HPS3: variants seen among roughly 807,000 people sequenced by gnomAD.
HPS3 encodes BLOC-2 complex member HPS3.
A neutral mutation model predicts 110.9 loss-of-function variants in HPS3; 79 were observed. The observed-to-expected ratio is 0.71, with a 90% confidence interval of 0.59 to 0.86. The LOEUF is 0.86. Ranked by LOEUF, HPS3 falls within the 40% of genes least tolerant of loss-of-function variation. The pLI is 0.00. For missense variants in HPS3, 1,197 were observed against 1,206.2 expected (o/e 0.99, Z 0.11); for synonymous variants, 428 against 451.0 (o/e 0.95, Z 0.65).
rs1559920852 is a variant in HPS3, at chr3:149,160,239, A to G, written c.2066A>G (p.Asp689Gly). The G allele has an allele frequency of 6.2e-7, 1 of 1,613,734 alleles. No homozygotes were observed. The highest frequency in any genetic ancestry group is 1.7e-5 in the Admixed American group (1 of 59,940). ...TKAAVALKMG[D>G]LDMHRNEMKS... ...GCAGCAGTGGCTCTGAAAATGGGAG[A>G]TCTTGACATGCACAGAAATGAAATG... is the stretch of plus-strand genomic sequence containing the variant. Residue 689 changes from aspartate to glycine, a missense_variant, in exon 11 of 17, where the codon GAT becomes GGT. Coordinates refer to ENST00000296051, the MANE Select transcript of HPS3 (RefSeq NM_032383.5).
intron 1 of HPS3, 113 bp downstream of exon 1, chr3:149,130,053 G>A: frequency 9.8e-7 from 1 of 1,023,948 alleles, no homozygotes; most frequent in Non-Finnish European, 1.4e-6. Context: ...CTTGCTTCCC[G>A]GAATTTGCCG....
At chr3:149,158,965 T>C in intron 10 of HPS3, 119 bp downstream of exon 10, 2 of 703,216 alleles carry the variant, frequency 2.8e-6, no homozygotes, top group Non-Finnish European at 4.7e-6. Context: ...ATACTCTTTT[T>C]CTAAAAAAGT....
At chr3:149,170,083 A>G (rs763676094) in intron 16 of HPS3, among the ~76,000 whole-genome samples, 3 of 152,218 alleles carry the variant, frequency 2.0e-5, no homozygotes, top group Non-Finnish European at 2.9e-5. Context: ...GGCTTGGATT[A>G]AATAAATAAA....
chr3:149,158,563 T>A, intron 9 of HPS3, 103 bp from the exon 10 acceptor site: 1 of 1,090,966 alleles, frequency 9.2e-7, no homozygotes, highest in Non-Finnish European at 1.4e-6. Flanking sequence ...TGAGGTAGGA[T>A]AATCACTTGA....
Position 149,160,253 on chromosome 3 carries a change from A to AGAAATGAAAT in HPS3, c.2085_2094dup (p.Ser699Ter). ...GAAAATGGGAGATCTTGACATGCAC[A>AGAAATGAAAT]GAAATGAAATGAAAAGCCATTCAGA... On this transcript the variant is annotated frameshift_variant, in exon 11 of 17. Coordinates refer to ENST00000296051, the MANE Select transcript of HPS3 (RefSeq NM_032383.5). LOFTEE classifies it high-confidence loss of function. 1 of 1,613,518 alleles carries AGAAATGAAAT rather than the reference A, an allele frequency of 6.2e-7. No individual in the cohort carries two copies. Among genetic ancestry groups the AGAAATGAAAT allele is most frequent in the Non-Finnish European group, 8.5e-7 (1 of 1,179,534 alleles).
At chr3:149,149,273 C>T (rs997200218) in intron 5 of HPS3, among the ~76,000 whole-genome samples, 2 of 151,976 alleles carry the variant, frequency 1.3e-5, no homozygotes, top group African/African-American at 4.8e-5. Context: ...GAAACCCTGC[C>T]TTTTTATCTC....
At chr3:149,158,601 A>G in intron 9 of HPS3, 65 bp from the exon 10 acceptor site, 2 of 1,431,494 alleles carry the variant, frequency 1.4e-6, no homozygotes, top group Middle Eastern at 3.5e-4. Flanking sequence ...CAGTCTGGGC[A>G]ACATAGTGAG....
rs913384287 is a variant in HPS3, at chr3:149,162,253, C to T, written c.2212C>T (p.Pro738Ser). Residue 738 changes from proline (P) to serine (S), a missense_variant, in exon 12 of 17, where the codon CCT becomes TCT. Transcript: ENST00000296051. ...ELALHLKETQ[P>S]GLLVASVLGL... is the part of the protein sequence containing the mutation. ...TGCACTTCACTTGAAGGAAACTCAG[C>T]CTGGATTGCTTGTGGCTTCAGTTCT... The T allele has an allele frequency of 6.2e-7, 1 of 1,613,978 alleles. No homozygotes were observed. The highest frequency in any genetic ancestry group is 1.7e-4 in the Middle Eastern group (1 of 6,058).
At chr3:149,136,544 G>A (rs1722108317) in intron 1 of HPS3, among the ~76,000 whole-genome samples, 1 of 152,156 alleles carries the variant, frequency 6.6e-6, no homozygotes, top group Non-Finnish European at 1.5e-5. Context: ...ATCTAGGTTT[G>A]AGTCCCAGTT....
intron 1 of HPS3, among the ~76,000 whole-genome samples, chr3:149,131,756 G>A (rs1345661370): frequency 6.6e-6 from 1 of 152,210 alleles, no homozygotes; most frequent in Non-Finnish European, 1.5e-5. Flanking sequence ...GAGGAAGGCA[G>A]GCGTGTCAGA....
chr3:149,173,468 G>C lies in HPS3; in HGVS notation c.*1246G>C. On this transcript the variant is annotated 3_prime_UTR_variant, in exon 17 of 17. Coordinates refer to ENST00000296051, the MANE Select transcript of HPS3 (RefSeq NM_032383.5). ...AACCCTAACAGCGGTGATATCATTA[G>C]ACTGTATGAATCAGTTTTATTACCT... 1 of 340,338 alleles carries C rather than the reference G, an allele frequency of 2.9e-6. No homozygotes were observed. The highest frequency in any genetic ancestry group is 5.5e-6 in the Non-Finnish European group (1 of 180,922). The allele number at this position is 340,338 out of a possible 1,614,324, so 21.1% of individuals were successfully genotyped here. A position where few individuals can be genotyped will look rare whatever the true frequency, so the allele number is the denominator to read the frequency against.
Position 149,173,585 on chromosome 3 carries a change from T to C in HPS3, c.*1363T>C, listed in dbSNP as rs1358783472. The C allele has an allele frequency of 3.0e-6, 2 of 658,460 alleles. No individual in the cohort carries two copies. The highest frequency in any genetic ancestry group is 3.7e-5 in the African/African-American group (2 of 54,082). 40.8% of individuals were successfully genotyped at this position (658,460 alleles called of 1,614,324 possible). A position where few individuals can be genotyped will look rare whatever the true frequency, so the allele number is the denominator to read the frequency against. ...AGTTTTCCCCCACAAATGTACAAAG[T>C]TGTATGCTTCCAGTCTTCTTTTAAT... On this transcript the variant is annotated 3_prime_UTR_variant, in exon 17 of 17. Transcript: ENST00000296051.
At chr3:149,134,728 C>G (rs1469561872) in intron 1 of HPS3, among the ~76,000 whole-genome samples, 2 of 152,142 alleles carry the variant, frequency 1.3e-5, no homozygotes, top group Admixed American at 6.6e-5. Context: ...GCATTGTAAC[C>G]TCATTAACGA....
chr3:149,140,670 T>C (rs1400966572), intron 2 of HPS3, among the ~76,000 whole-genome samples, 172 bp downstream of exon 2: 1 of 152,182 alleles, frequency 6.6e-6, no homozygotes, highest in Non-Finnish European at 1.5e-5. Flanking sequence ...GCTTACTCTG[T>C]AGCATGTGAA....
intron 1 of HPS3, among the ~76,000 whole-genome samples, chr3:149,133,545 C>T (rs951247071): frequency 6.6e-6 from 1 of 152,076 alleles, no homozygotes; most frequent in Admixed American, 6.6e-5. Flanking sequence ...GTGATCCACC[C>T]GCCTTGGCCT....
In HPS3 at chr3:149,172,203, G is replaced by A. The variant is rs527240120; in HGVS notation, c.2996G>A (p.Arg999Gln). The change falls in exon 17 of 17, where the codon CGA becomes CAA. Residue 999 changes from arginine (R) to glutamine (Q), a missense_variant. Arg to Gln is a conservative substitution (Grantham distance 43). Coordinates refer to ENST00000296051, the MANE Select transcript of HPS3 (RefSeq NM_032383.5). The stretch of plus-strand genomic sequence containing the variant: ...TTGCCATATCTTCTCTATTGCAGTC[G>A]AAAGAAACCATTGACTTAAAGGTAT... ...FFLPYLLYCSRKKPLT is the reference protein window; with the variant it reads ...FFLPYLLYCSQKKPLT The A allele has an allele frequency of 1.4e-5, 22 of 1,613,066 alleles. No individual in the cohort carries two copies. The East Asian group carries it at 2.5e-4, about 18-fold the overall frequency.
intron 16 of HPS3, among the ~76,000 whole-genome samples, chr3:149,169,929 T>C (rs1046930530): frequency 1.3e-5 from 2 of 152,222 alleles, no homozygotes; most frequent in African/African-American, 4.8e-5. Flanking sequence ...CAGGTTTACA[T>C]TTAGATATAT....
chr3:149,131,378 A>G (rs1255595498), intron 1 of HPS3, among the ~76,000 whole-genome samples: 1 of 151,902 alleles, frequency 6.6e-6, no homozygotes, highest in East Asian at 1.9e-4. Flanking sequence ...TACCAGTTCC[A>G]TTTTTCACAC....
rs143596851 is a variant in HPS3 at position 149,140,129 on chromosome 3, G to A, written c.343G>A (p.Gly115Arg). 146 of 1,613,746 alleles carry A rather than the reference G, an allele frequency of 9.0e-5. No individual in the cohort carries two copies. The African/African-American group carries it at 1.9e-3, about 21-fold the overall frequency. Residue 115 changes from glycine (G) to arginine (R), a missense_variant, in exon 2 of 17, where the codon GGA (glycine) becomes AGA (arginine). By Grantham distance (125) the Gly-to-Arg change is moderately radical. Coordinates refer to ENST00000296051, the MANE Select transcript of HPS3 (RefSeq NM_032383.5). ...CIRMIGHNVEGPFSKAFRDQM... is the reference protein window; with the variant it reads ...CIRMIGHNVERPFSKAFRDQM... ...CCGAATGATTGGGCATAATGTGGAG[G>A]GACCATTCAGCAAAGCCTTCAGAGA...
Sources: gnomAD v4.1 joint callset for allele counts (sites outside exome capture counted in the v4.1 genomes callset) on GRCh38, gnomAD v4.1.1 for gene constraint, MANE v1.5 for transcripts, NCBI Gene and HGNC (gene_info 2026-07-23, HGNC 2026-07-21) for gene names.